The following TBC1D5 variants were observed in gnomAD, a reference collection of about 807,000 sequenced individuals.
TBC1D5 encodes TBC1 domain family, member 5.
TBC1D5 carries 75 observed loss-of-function variants against 100.3 expected under a neutral mutation model. That is an observed-to-expected ratio of 0.75 (90% CI 0.62 to 0.91). The LOEUF (loss-of-function observed/expected upper bound fraction) is 0.91, where lower values mean the gene tolerates loss of function less well. TBC1D5 is among the 40% of genes least tolerant of loss of function. The pLI is 0.00. For missense variants in TBC1D5, 910 were observed against 942.4 expected, an observed-to-expected ratio of 0.97 and a Z score of 0.45; for synonymous variants, 323 against 325.6, an observed-to-expected ratio of 0.99 and a Z score of 0.09.
chr3:17,581,543 C>G (rs1413664967), intron 2 of TBC1D5, among the ~76,000 whole-genome samples: 3 of 152,132 alleles, frequency 2.0e-5, no homozygotes, highest in Non-Finnish European at 4.4e-5. Context: ...AGCTCTCTAT[C>G]TTTTCTGTTA....
intron 1 of TBC1D5, among the ~76,000 whole-genome samples, chr3:17,691,392 T>C (rs889567261): frequency 6.6e-6 from 1 of 152,212 alleles, no homozygotes; most frequent in South Asian, 2.1e-4. Context: ...TTCACAAAGG[T>C]TCTCACACTA....
intron 2 of TBC1D5, among the ~76,000 whole-genome samples, chr3:17,570,195 G>A (rs2096618285): frequency 6.6e-6 from 1 of 151,856 alleles, no homozygotes; most frequent in Non-Finnish European, 1.5e-5. Context: ...CATACATCCA[G>A]AAATTTTAAA....
At chr3:17,440,473 C>T (rs978570591) in intron 3 of TBC1D5, among the ~76,000 whole-genome samples, 3 of 151,886 alleles carry the variant, frequency 2.0e-5, no homozygotes, top group South Asian at 2.1e-4. Context: ...AAAAATTAGC[C>T]GGGCATGGTG....
intron 1 of TBC1D5, among the ~76,000 whole-genome samples, chr3:17,682,996 A>G (rs558042527): frequency 1.3e-5 from 2 of 151,608 alleles, no homozygotes; most frequent in East Asian, 1.9e-4. Context: ...GTCTTAAAGT[A>G]GAAAACAGGT....
At chr3:17,617,983 C>G (rs1375503345) in intron 2 of TBC1D5, among the ~76,000 whole-genome samples, 2 of 152,194 alleles carry the variant, frequency 1.3e-5, no homozygotes, top group Non-Finnish European at 2.9e-5. Flanking sequence ...ACAGGCGCTC[C>G]AGTTTTTAGA....
intron 3 of TBC1D5, among the ~76,000 whole-genome samples, chr3:17,478,735 A>C (rs2095468416): frequency 6.6e-6 from 1 of 152,216 alleles, no homozygotes. Context: ...TCTAGATCTC[A>C]TGAAATCCTG....
exon 17 of TBC1D5, chr3:17,238,415 T>C: frequency 6.2e-7 from 1 of 1,607,142 alleles, no homozygotes; most frequent in South Asian, 1.1e-5. Flanking sequence ...CCTTTGGCAT[T>C]GGTCCTGTTA....
chr3:17,351,410 T>G (rs572109427), intron 13 of TBC1D5, among the ~76,000 whole-genome samples: 40 of 152,242 alleles, frequency 2.6e-4, no homozygotes, highest in African/African-American at 9.6e-4. Flanking sequence ...TAAAAAAGAA[T>G]GAGTTCATGT....
chr3:17,417,602 T>C (rs1400546958), intron 4 of TBC1D5, among the ~76,000 whole-genome samples: 1 of 152,186 alleles, frequency 6.6e-6, no homozygotes, highest in Non-Finnish European at 1.5e-5. Flanking sequence ...TGTTGGACAC[T>C]TGGGTTGGTT....
At chr3:17,725,111 G>C (rs1372091042) in intron 1 of TBC1D5, among the ~76,000 whole-genome samples, 1 of 151,942 alleles carries the variant, frequency 6.6e-6, no homozygotes, top group Non-Finnish European at 1.5e-5. Flanking sequence ...GTCTATTTCT[G>C]TCGTTTTTGC....
chr3:17,172,407 T>C (rs2067251053), intron 19 of TBC1D5, among the ~76,000 whole-genome samples: 1 of 152,224 alleles, frequency 6.6e-6, no homozygotes, highest in South Asian at 2.1e-4. Flanking sequence ...AACGTAATGA[T>C]GTCTTTCCAT....
chr3:17,508,530 G>A (rs2095867815), exon 3 of TBC1D5: 1 of 1,613,556 alleles, frequency 6.2e-7, no homozygotes. Context: ...TTGTTCTTCT[G>A]GCTGCAGAGG....
At chr3:17,455,269 CATAT>C (rs200712451) in intron 3 of TBC1D5, among the ~76,000 whole-genome samples, 1 of 139,692 alleles carries the variant, frequency 7.2e-6, no homozygotes, top group Middle Eastern at 3.8e-3. Context: ...TACATATATA[CATAT>C]ATGTGTGTAT....
intron 15 of TBC1D5, 36 bp downstream of exon 15, chr3:17,291,859 A>T (rs770138099): frequency 7.4e-5 from 117 of 1,574,664 alleles, no homozygotes; most frequent in Non-Finnish European, 9.4e-5. Flanking sequence ...TTTTCACCCA[A>T]CTTAAAATTA....
At chr3:17,627,251 C>G (rs1031414446) in intron 1 of TBC1D5, among the ~76,000 whole-genome samples, 1 of 152,124 alleles carries the variant, frequency 6.6e-6, no homozygotes, top group African/African-American at 2.4e-5. Context: ...ATGGCTGGAT[C>G]TGACTGGAGC....
chr3:17,724,719 T>C (rs183296030), intron 1 of TBC1D5, among the ~76,000 whole-genome samples: 3 of 152,318 alleles, frequency 2.0e-5, no homozygotes, highest in Admixed American at 2.0e-4. Flanking sequence ...CCCATTATTT[T>C]TCCCTTCTGC....
chr3:17,572,039 C>T (rs1184661020), intron 2 of TBC1D5, among the ~76,000 whole-genome samples: 2 of 152,002 alleles, frequency 1.3e-5, no homozygotes, highest in Non-Finnish European at 2.9e-5. Flanking sequence ...ACCATTGTCT[C>T]GGTTGGGACT....
chr3:17,170,793 C>T (rs1401822274), intron 19 of TBC1D5, among the ~76,000 whole-genome samples: 2 of 152,142 alleles, frequency 1.3e-5, no homozygotes, highest in Non-Finnish European at 1.5e-5. Context: ...GTGAGCCCAT[C>T]CCAGAACCCT....
In TBC1D5 at chr3:17,351,771, CTTCTT is replaced by C. The variant is rs1265674086; in HGVS notation, c.995+20299_995+20303del. ...TGATTACATTTTATTACATTACCTA[CTTCTT>C]TTCTTTAGTAGGGAGAAAAAACAAG... On this transcript the variant is annotated intron_variant, in intron 13 of 21. Coordinates refer to ENST00000253692, the Ensembl canonical transcript of TBC1D5. 3.3e-5 allele frequency among the ~76,000 whole-genome samples: 5 copies of C among 150,290 alleles called. No homozygotes were observed. In the East Asian group the frequency reaches 9.7e-4, roughly 29 times the overall value.
Sources: allele counts gnomAD v4.1 joint callset (sites outside exome capture counted in the v4.1 genomes callset), GRCh38; gene constraint gnomAD v4.1.1; transcripts MANE v1.5; gene names NCBI Gene and HGNC (gene_info 2026-07-23, HGNC 2026-07-21).